The following PCDHA9 variants were observed in gnomAD, a reference collection of about 807,000 sequenced individuals.
The protein encoded by PCDHA9 is protocadherin alpha-9.
PCDHA9 carries 62 observed loss-of-function variants against 62.0 expected under a neutral mutation model. That is an observed-to-expected ratio of 1.00 (90% CI 0.81 to 1.23). PCDHA9 has a LOEUF of 1.23. Among genes scored for constraint, PCDHA9 ranks in the 50% most tolerant of loss-of-function variants. The pLI, the probability that PCDHA9 is intolerant of heterozygous loss-of-function variation, is 0.00. For missense variants in PCDHA9, 1,205 were observed against 1,249.8 expected (o/e 0.96, Z 0.54); for synonymous variants, 557 against 567.6 (o/e 0.98, Z 0.27).
chr5:140,969,803 T>G, intron 1 of PCDHA9, among the ~76,000 whole-genome samples: 1 of 152,248 alleles, frequency 6.6e-6, no homozygotes, highest in South Asian at 2.1e-4. Context: ...ATCTGCTGTC[T>G]CTGTTTATAC....
intron 1 of PCDHA9, chr5:140,867,240 G>C (rs538392641): frequency 6.6e-6 from 1 of 152,186 alleles, no homozygotes; most frequent in African/African-American, 2.4e-5. Context: ...TAAGGTGATT[G>C]AGGATCTGTT....
rs2150491182 is a variant in PCDHA9, at chr5:140,850,624, T to C, written c.2129T>C (p.Leu710Pro). The C allele has an allele frequency of 6.3e-7, 1 of 1,598,468 alleles. No individual in the cohort carries two copies. The highest frequency in any genetic ancestry group is 1.3e-5 in the African/African-American group (1 of 74,362). The part of the protein sequence containing the change: ...LIIAICAVSS[L>P]LVLTLLLYTV... ...ATCGCCATCTGCGCGGTGTCTAGCC[T>C]GTTGGTTCTCACGCTGCTGCTGTAC... is the stretch of plus-strand genomic sequence containing the variant. Residue 710 changes from leucine to proline, a missense_variant, in exon 1 of 4, where the codon CTG (leucine) becomes CCG (proline). Around this residue, in one of 3 missense-constraint regions of PCDHA9, gnomAD observed 887 missense variants for 809.5 expected, o/e 1.10. Transcript: ENST00000532602.
intron 1 of PCDHA9, among the ~76,000 whole-genome samples, chr5:140,961,406 G>C (rs1046743232): frequency 4.6e-5 from 7 of 152,008 alleles, no homozygotes; most frequent in Non-Finnish European, 1.0e-4. Flanking sequence ...AACACTTTTT[G>C]GCATGTTATT....
chr5:140,884,002 C>A (rs1189374158), intron 1 of PCDHA9: 1 of 1,612,906 alleles, frequency 6.2e-7, no homozygotes, highest in Admixed American at 1.7e-5. Flanking sequence ...GCACAGTGAG[C>A]GAGCTGATGC....
chr5:140,968,176 G>A, intron 1 of PCDHA9: 1 of 1,614,062 alleles, frequency 6.2e-7, no homozygotes, highest in Non-Finnish European at 8.5e-7. Flanking sequence ...CAAGCTTCCT[G>A]GAGGACTCCT....
intron 1 of PCDHA9, among the ~76,000 whole-genome samples, chr5:140,947,597 G>A (rs1231530518): frequency 1.3e-5 from 2 of 151,586 alleles, no homozygotes; most frequent in African/African-American, 4.8e-5. Context: ...TCAATTTAGG[G>A]AAGATTTGGT....
intron 1 of PCDHA9, chr5:140,884,812 G>A: frequency 9.0e-7 from 1 of 1,117,104 alleles, no homozygotes; most frequent in Non-Finnish European, 1.2e-6. Flanking sequence ...ACTCTGCTGT[G>A]GACATTATGT....
rs1344675374 is a variant in PCDHA9 at position 140,952,992 on chromosome 5, ACT to A, written c.2395-25951_2395-25950del. Among the ~76,000 whole-genome samples, 6 of 151,892 alleles carry A rather than the reference ACT, an allele frequency of 4.0e-5. No individual in the cohort carries two copies. In the East Asian group the frequency reaches 7.7e-4, roughly 20 times the overall value. On this transcript the variant is annotated intron_variant, in intron 1 of 3. Transcript: ENST00000532602. ...TTTTAAACAACAAGATCTCATGAGAACTCTCTCACTATTATGAGAACAACATT... is the reference window on the plus strand; with the variant it reads ...TTTTAAACAACAAGATCTCATGAGAACTCTCACTATTATGAGAACAACATT...
At chr5:140,927,616 G>C in intron 1 of PCDHA9, 1 of 1,614,164 alleles carries the variant, frequency 6.2e-7, no homozygotes, top group Non-Finnish European at 8.5e-7. Flanking sequence ...CCGCACCAAG[G>C]TTCCAGAGAC....
chr5:140,897,461 A>G (rs1374397258), intron 1 of PCDHA9, among the ~76,000 whole-genome samples: 5 of 151,630 alleles, frequency 3.3e-5, no homozygotes, highest in African/African-American at 4.8e-5. Flanking sequence ...TCCTTGCGAT[A>G]GTTTACTGAG....
At chr5:140,988,482 C>T (rs1017365611) in intron 3 of PCDHA9, among the ~76,000 whole-genome samples, 1 of 152,152 alleles carries the variant, frequency 6.6e-6, no homozygotes, top group Non-Finnish European at 1.5e-5. Flanking sequence ...GAATTAGCAT[C>T]CCCTACCTAG....
At chr5:140,927,470 G>T in intron 1 of PCDHA9, 3 of 1,614,054 alleles carry the variant, frequency 1.9e-6, no homozygotes, top group South Asian at 2.2e-5. Flanking sequence ...GCACTGGATC[G>T]CGAACAGCGC....
intron 1 of PCDHA9, chr5:140,856,537 G>A: frequency 1.9e-6 from 3 of 1,598,370 alleles, no homozygotes; most frequent in Non-Finnish European, 1.7e-6. Flanking sequence ...ATGTTGGAGA[G>A]AACGCATTGC....
intron 1 of PCDHA9, chr5:140,969,054 A>G (rs782226153): frequency 6.2e-7 from 1 of 1,614,182 alleles, no homozygotes; most frequent in South Asian, 1.1e-5. Context: ...GCCAACAACA[A>G]TATTGATGCC....
At chr5:140,931,901 T>G (rs2087840006) in intron 1 of PCDHA9, among the ~76,000 whole-genome samples, 1 of 151,938 alleles carries the variant, frequency 6.6e-6, no homozygotes, top group South Asian at 2.1e-4. Flanking sequence ...TCAAATCATT[T>G]GAAAAGCATG....
intron 1 of PCDHA9, among the ~76,000 whole-genome samples, chr5:140,973,282 C>T (rs1554235080): frequency 2.6e-5 from 4 of 152,148 alleles, no homozygotes; most frequent in African/African-American, 7.2e-5. Context: ...TCCCCCAGCA[C>T]TGATTTTTCT....
intron 1 of PCDHA9, among the ~76,000 whole-genome samples, chr5:140,959,036 GTATGT>G (rs2095460948): frequency 6.6e-6 from 1 of 152,032 alleles, no homozygotes; most frequent in African/African-American, 2.4e-5. Flanking sequence ...TCATGGGTAT[GTATGT>G]ATAGGAAAAA....
chr5:140,880,318 A>G (rs2058303482), intron 1 of PCDHA9, among the ~76,000 whole-genome samples: 1 of 152,268 alleles, frequency 6.6e-6, no homozygotes, highest in Admixed American at 6.5e-5. Context: ...CAAGTAAAAA[A>G]TAAGATACTA....
rs180990865 is a variant in PCDHA9 at position 140,858,241 on chromosome 5, G to C, written c.2394+7352G>C. 1.8e-3 allele frequency: 2,879 copies of C among 1,596,686 alleles called. 210 individuals carry two copies. In the African/African-American group the frequency reaches 0.035, roughly 19 times the overall value. On this transcript the variant is annotated intron_variant, in intron 1 of 3. Coordinates refer to ENST00000532602, the MANE Select transcript of PCDHA9 (RefSeq NM_031857.2). ...CGGCGCCCACCGAGGGCGCATGTGGGCCGGTGAAGCCCACGCTGGTGTGCT... is the reference window on the plus strand; with the variant it reads ...CGGCGCCCACCGAGGGCGCATGTGGCCCGGTGAAGCCCACGCTGGTGTGCT...
Sources: gnomAD v4.1 joint callset for allele counts (sites outside exome capture counted in the v4.1 genomes callset) on GRCh38, gnomAD v4.1.1 for gene constraint, gnomAD v4.1.1 regional missense constraint, MANE v1.5 for transcripts, NCBI Gene and HGNC (gene_info 2026-07-23, HGNC 2026-07-21) for gene names.